Variants in ARHGAP29 observed in about 807,000 individuals in gnomAD.
ARHGAP29 encodes the protein rho GTPase-activating protein 29.
ARHGAP29 carries 43 observed loss-of-function variants against 122.6 expected under a neutral mutation model. That is an observed-to-expected ratio of 0.35 (90% CI 0.27 to 0.45). The LOEUF (loss-of-function observed/expected upper bound fraction) is 0.45, where lower values mean the gene tolerates loss of function less well. ARHGAP29 is among the 20% of genes least tolerant of loss of function. ARHGAP29 has a pLI of 1.00. For synonymous variants in ARHGAP29, 506 were observed against 497.1 expected (o/e 1.02, Z -0.24); for missense variants, 1,303 against 1,477.2 (o/e 0.88, Z 1.93).
chr1:94,241,707 G>GAT (rs1212895526), upstream of ARHGAP29, among the ~76,000 whole-genome samples: 3 of 27,662 alleles, frequency 1.1e-4, no homozygotes, highest in African/African-American at 9.3e-5. Flanking sequence ...AATTATATAT[G>GAT]ATATATAATT....
At chr1:94,266,932 A>G (rs1654795922) in intron 1 of ARHGAP29, among the ~76,000 whole-genome samples, 1 of 152,238 alleles carries the variant, frequency 6.6e-6, no homozygotes, top group South Asian at 2.1e-4. Flanking sequence ...CTAAGGCTCA[A>G]TGAGGTGAAG....
the ARHGAP29 span, among the ~76,000 whole-genome samples, chr1:94,314,059 G>A: frequency 9.9e-5 from 15 of 152,238 alleles, no homozygotes; most frequent in Admixed American, 2.0e-4. Flanking sequence ...AACCAACGTG[G>A]CACATGTATA....
chr1:94,199,513 G>A (rs1650703110), intron 12 of ARHGAP29, among the ~76,000 whole-genome samples: 1 of 152,148 alleles, frequency 6.6e-6, no homozygotes, highest in Non-Finnish European at 1.5e-5. Context: ...ATAGCCAAGG[G>A]CACAGCTAGG....
chr1:94,202,932 C>G lies in ARHGAP29; in HGVS notation c.940G>C (p.Glu314Gln), dbSNP rs143446292. The G allele has an allele frequency of 3.5e-5, 56 of 1,605,142 alleles. No homozygotes were observed. In the African/African-American group the frequency reaches 6.9e-4, roughly 20 times the overall value. The change falls in exon 10 of 23, where the codon GAG (glutamate) becomes CAG (glutamine). Residue 314 changes from glutamate (E) to glutamine (Q), a missense_variant. Glu to Gln is a conservative substitution (Grantham distance 29). Transcript: ENST00000260526. Reference sequence around the variant, plus strand: ...TTAATACTAACCATTTTATTTTGCTCCTGTTTCCAAAGCTCTTTTATTTCT... The same window carrying G: ...TTAATACTAACCATTTTATTTTGCTGCTGTTTCCAAAGCTCTTTTATTTCT... The part of the protein sequence containing the change: ...RKEIKELWKQ[E>Q]QNKMLEAENA...
At chr1:94,276,708 GA>G (rs1655202748), upstream of ARHGAP29, among the ~76,000 whole-genome samples, 3 of 144,096 alleles carry the variant, frequency 2.1e-5, no homozygotes, top group African/African-American at 7.8e-5. Context: ...CTGAGCCAAG[GA>G]GTTTGAGGCT....
intron 1 of ARHGAP29, among the ~76,000 whole-genome samples, chr1:94,271,834 A>T (rs1297007793): frequency 6.6e-6 from 1 of 152,204 alleles, no homozygotes; most frequent in Non-Finnish European, 1.5e-5. Flanking sequence ...CTTCCTTTGA[A>T]GTAAGGGGAC....
intron 1 of ARHGAP29, among the ~76,000 whole-genome samples, chr1:94,258,517 T>C (rs1001683987): frequency 3.3e-5 from 5 of 152,148 alleles, no homozygotes; most frequent in African/African-American, 1.2e-4. Context: ...GCCTTCCCTC[T>C]TTGGAGACCT....
chr1:94,306,101 T>A, the ARHGAP29 span, among the ~76,000 whole-genome samples: 1 of 152,256 alleles, frequency 6.6e-6, no homozygotes, highest in Non-Finnish European at 1.5e-5. Context: ...GGCCATTTTA[T>A]AACCAATTTA....
At chr1:94,289,801 T>C in the ARHGAP29 span, among the ~76,000 whole-genome samples, 1 of 152,242 alleles carries the variant, frequency 6.6e-6, no homozygotes, top group African/African-American at 2.4e-5. Context: ...CATTTATTGA[T>C]TTGCCTATGT....
At chr1:94,182,144 AAGG>A (rs1161071990) in intron 19 of ARHGAP29, among the ~76,000 whole-genome samples, 4 of 152,078 alleles carry the variant, frequency 2.6e-5, no homozygotes, top group African/African-American at 9.7e-5. Flanking sequence ...GTCATTAAAA[AAGG>A]AAGAAAGCTG....
In ARHGAP29 at chr1:94,208,817, A is replaced by G. The variant is rs376025167; in HGVS notation, c.510+15T>C. Reference sequence around the variant, plus strand: ...AAAACATTAAAGACTTTGCTTTCACACAAACTTAGCTTACCTTAGTTTCTC... The same window carrying G: ...AAAACATTAAAGACTTTGCTTTCACGCAAACTTAGCTTACCTTAGTTTCTC... On this transcript the variant is annotated intron_variant, in intron 5 of 22. Transcript: ENST00000260526. The G allele has an allele frequency of 2.7e-5, 44 of 1,612,300 alleles. No individual in the cohort carries two copies. Among genetic ancestry groups the G allele is most frequent in the Non-Finnish European group, 3.6e-5 (43 of 1,178,592 alleles).
intron 12 of ARHGAP29, 47 bp downstream of exon 12, chr1:94,201,673 T>G (rs185087630): frequency 4.4e-6 from 7 of 1,608,690 alleles, no homozygotes; most frequent in Non-Finnish European, 5.1e-6. Context: ...ATGCCTTGCC[T>G]GATGGTCTTT....
chr1:94,271,081 C>T (rs1053966021), intron 1 of ARHGAP29, among the ~76,000 whole-genome samples: 4 of 152,164 alleles, frequency 2.6e-5, no homozygotes, highest in Admixed American at 1.3e-4. Flanking sequence ...CTGAGGGAGA[C>T]GATCTGAAAC....
chr1:94,277,432 C>T (rs1050626373), upstream of ARHGAP29, among the ~76,000 whole-genome samples: 1 of 152,156 alleles, frequency 6.6e-6, no homozygotes, highest in African/African-American at 2.4e-5. Flanking sequence ...TCAGATCATG[C>T]TCCCTTCCAC....
rs779019606 is a variant in ARHGAP29, at chr1:94,220,213, C to T, written c.340+45G>A. On this transcript the variant is annotated intron_variant, in intron 3 of 22. Transcript: ENST00000260526. Reference sequence around the variant, plus strand: ...CTATAGACCAAAATATATCACTTGGCTCCTTTTTGCCCACAGCAACCCACT... The same window carrying T: ...CTATAGACCAAAATATATCACTTGGTTCCTTTTTGCCCACAGCAACCCACT... 14 of 1,608,584 alleles carry T rather than the reference C, an allele frequency of 8.7e-6. No homozygotes were observed. In the East Asian group the frequency reaches 2.9e-4, roughly 33 times the overall value.
At chr1:94,221,563 A>C (rs1289124934) in intron 2 of ARHGAP29, among the ~76,000 whole-genome samples, 2 of 35,120 alleles carry the variant, frequency 5.7e-5, no homozygotes, top group Non-Finnish European at 9.7e-5. Flanking sequence ...ACATATGTAT[A>C]TATTTATACA....
At chr1:94,237,591 G>A (rs1269943159), upstream of ARHGAP29, 7 of 989,118 alleles carry the variant, frequency 7.1e-6, no homozygotes, top group East Asian at 2.2e-4. Context: ...CACTGCAGCC[G>A]CCACCGCCCC....
At chr1:94,303,275 C>T in the ARHGAP29 span, among the ~76,000 whole-genome samples, 1 of 152,178 alleles carries the variant, frequency 6.6e-6, no homozygotes, top group African/African-American at 2.4e-5. Context: ...ATGGATGAGC[C>T]TTGAGGACAT....
chr1:94,305,303 C>T, the ARHGAP29 span, among the ~76,000 whole-genome samples: 1 of 152,166 alleles, frequency 6.6e-6, no homozygotes, highest in East Asian at 1.9e-4. Flanking sequence ...TGTGCCAATC[C>T]TGAGTGGTCA....
Sources: gnomAD v4.1 joint callset for allele counts (sites outside exome capture counted in the v4.1 genomes callset) on GRCh38, gnomAD v4.1.1 for gene constraint, MANE v1.5 for transcripts, NCBI Gene and HGNC (gene_info 2026-07-23, HGNC 2026-07-21) for gene names.